Variants in PRELID3A observed in about 807,000 individuals in gnomAD.
The protein encoded by PRELID3A is PRELI domain containing 3A, also known as PRELI domain containing protein 3A.
In PRELID3A, 27 loss-of-function variants were observed where a neutral mutation model predicts 23.0. The ratio of observed to expected loss-of-function variants is 1.17; its 90% confidence interval spans 0.87 to 1.62. PRELID3A has a LOEUF of 1.62. Ranked by LOEUF, PRELID3A falls within the 40% of genes most tolerant of loss-of-function variation. The pLI is 0.00. For synonymous variants in PRELID3A, 87 were observed against 86.4 expected, an observed-to-expected ratio of 1.01 and a Z score of -0.04; for missense variants, 231 against 231.4, an observed-to-expected ratio of 1.00 and a Z score of 0.01.
chr18:12,430,364 GTGTGGT>G (rs1178418423), intron 6 of PRELID3A, among the ~76,000 whole-genome samples: 1 of 144,126 alleles, frequency 6.9e-6, no homozygotes, highest in African/African-American at 2.7e-5. Context: ...ATATATGTGT[GTGTGGT>G]GTGTGTGTGT....
At position 12,427,253 on chromosome 18, in the gene PRELID3A, T is replaced by G; in HGVS notation, c.395T>G (p.Val132Gly). 6.2e-7 allele frequency: 1 copy of G among 1,614,202 alleles called. No homozygotes were observed. The highest frequency in any genetic ancestry group is 1.1e-5 in the South Asian group (1 of 91,082). Reference sequence around the variant, plus strand: ...CTCACACAAGAAGCCATCATCACTGTGAAGGGGATTAGCCTTGGTAGTTAT... The same window carrying G: ...CTCACACAAGAAGCCATCATCACTGGGAAGGGGATTAGCCTTGGTAGTTAT... ...TVLTQEAIIT[V>G]KGISLGSYLE... The change falls in exon 5 of 7, where the codon GTG becomes GGG. Residue 132 changes from valine to glycine, a missense_variant. Physicochemically the swap from Val to Gly is moderately radical, Grantham distance 109 (BLOSUM62 -3). Transcript: ENST00000440960.
At chr18:12,429,557 C>T (rs2030498378) in intron 6 of PRELID3A, 121 bp downstream of exon 6, 1 of 608,836 alleles carries the variant, frequency 1.6e-6, no homozygotes, top group Admixed American at 2.9e-5. Context: ...CAGCCCGGAG[C>T]TCCTTAGTTT....
intron 3 of PRELID3A, among the ~76,000 whole-genome samples, chr18:12,421,983 G>C (rs756813756): frequency 5.9e-5 from 9 of 151,676 alleles, no homozygotes; most frequent in Non-Finnish European, 1.3e-4. Flanking sequence ...CCTGTCACCC[G>C]GGCTGGAGTG....
At chr18:12,423,409 C>A (rs11665158) in intron 3 of PRELID3A, among the ~76,000 whole-genome samples, 18,743 of 152,056 alleles carry the variant, frequency 0.12, 1,462 homozygotes, top group East Asian at 0.37. Context: ...ACCAGTAGTC[C>A]GGGCAGGTAA....
intron 1 of PRELID3A, among the ~76,000 whole-genome samples, chr18:12,410,027 C>G (rs1049150839): frequency 5.9e-5 from 9 of 152,164 alleles, no homozygotes; most frequent in Admixed American, 1.3e-4. Context: ...CCCCAGGCAA[C>G]CAGGAATCTT....
intron 1 of PRELID3A, among the ~76,000 whole-genome samples, chr18:12,411,826 G>A (rs1909922139): frequency 6.6e-6 from 1 of 152,176 alleles, no homozygotes; most frequent in South Asian, 2.1e-4. Context: ...CAGTTTGGTG[G>A]GCATCCTTCT....
At chr18:12,413,614 C>G (rs2029875502) in intron 1 of PRELID3A, among the ~76,000 whole-genome samples, 1 of 152,172 alleles carries the variant, frequency 6.6e-6, no homozygotes, top group East Asian at 1.9e-4. Flanking sequence ...GACAGAGTCT[C>G]ACTCTGTCGC....
chr18:12,430,661 A>G (rs1235511680), intron 6 of PRELID3A, among the ~76,000 whole-genome samples: 1 of 85,498 alleles, frequency 1.2e-5, no homozygotes, highest in Non-Finnish European at 2.5e-5. Flanking sequence ...TCGTGTGTGC[A>G]TGTTTGTATG....
At chr18:12,408,815 C>T (rs1339003608) in intron 1 of PRELID3A, among the ~76,000 whole-genome samples, 3 of 152,060 alleles carry the variant, frequency 2.0e-5, no homozygotes, top group Admixed American at 2.0e-4. Flanking sequence ...GACACCTTCC[C>T]GGGTAATGCA....
chr18:12,413,545 A>G (rs2029875053), intron 1 of PRELID3A, among the ~76,000 whole-genome samples: 1 of 152,194 alleles, frequency 6.6e-6, no homozygotes, highest in Admixed American at 6.5e-5. Context: ...AGCTCCTGGT[A>G]GCAGATACAA....
At chr18:12,414,048 C>T (rs1365709695) in intron 1 of PRELID3A, among the ~76,000 whole-genome samples, 1 of 152,092 alleles carries the variant, frequency 6.6e-6, no homozygotes, top group Admixed American at 6.6e-5. Flanking sequence ...GTTTATTGCT[C>T]TTTCAAGTAC....
chr18:12,430,652 C>T (rs1251404011), intron 6 of PRELID3A, among the ~76,000 whole-genome samples: 3 of 121,982 alleles, frequency 2.5e-5, no homozygotes, highest in Non-Finnish European at 5.0e-5. Flanking sequence ...TGGTATGTGT[C>T]GTGTGTGCAT....
chr18:12,414,104 C>G (rs2029880202), intron 1 of PRELID3A, among the ~76,000 whole-genome samples: 1 of 152,150 alleles, frequency 6.6e-6, no homozygotes, highest in African/African-American at 2.4e-5. Flanking sequence ...GGCTCCCACT[C>G]AGAGTGAACA....
intron 1 of PRELID3A, among the ~76,000 whole-genome samples, chr18:12,418,235 T>C (rs1292306205): frequency 6.6e-6 from 1 of 152,226 alleles, no homozygotes; most frequent in Non-Finnish European, 1.5e-5. Context: ...TGTACACAAA[T>C]GTTCACTACT....
At chr18:12,430,577 T>C (rs533711857) in intron 6 of PRELID3A, among the ~76,000 whole-genome samples, 26 of 149,300 alleles carry the variant, frequency 1.7e-4, no homozygotes, top group African/African-American at 6.4e-4. Flanking sequence ...GTGTGACATG[T>C]GTGCTGTGTG....
At chr18:12,410,056 G>C (rs369274622) in intron 1 of PRELID3A, among the ~76,000 whole-genome samples, 2 of 152,192 alleles carry the variant, frequency 1.3e-5, no homozygotes, top group Non-Finnish European at 2.9e-5. Flanking sequence ...CTATGAATTT[G>C]CCTTGTTGGG....
At chr18:12,411,180 T>G in intron 1 of PRELID3A, among the ~76,000 whole-genome samples, 1 of 124,600 alleles carries the variant, frequency 8.0e-6, no homozygotes, top group Non-Finnish European at 1.9e-5. Context: ...GTAGTTTAAA[T>G]AAAATTAAAA....
chr18:12,430,022 G>A (rs938955823), intron 6 of PRELID3A, among the ~76,000 whole-genome samples: 2 of 152,252 alleles, frequency 1.3e-5, no homozygotes, highest in South Asian at 2.1e-4. Context: ...CCTGATCCCC[G>A]GGGAGGACGC....
At chr18:12,420,010 G>A (rs1419413953) in intron 1 of PRELID3A, 2 of 616,880 alleles carry the variant, frequency 3.2e-6, no homozygotes, top group Non-Finnish European at 4.8e-6. Flanking sequence ...GCTGAGGCAG[G>A]ATGTTCACTT....
Sources: allele counts gnomAD v4.1 joint callset (sites outside exome capture counted in the v4.1 genomes callset), GRCh38; gene constraint gnomAD v4.1.1; transcripts MANE v1.5; gene names NCBI Gene and HGNC (gene_info 2026-07-23, HGNC 2026-07-21).